Variants in EYA2 observed in about 807,000 individuals in gnomAD.
The protein encoded by EYA2 is EYA transcriptional coactivator and phosphatase 2.
Under a neutral mutation model 69.2 loss-of-function variants are expected in EYA2, and 31 were observed. The observed-to-expected ratio is 0.45, with a 90% CI of 0.34 to 0.60. The LOEUF (loss-of-function observed/expected upper bound fraction) is 0.60. Among genes scored for constraint, EYA2 ranks in the 20% least tolerant of loss-of-function variants. EYA2 has a pLI of 0.02. For synonymous variants in EYA2, 257 were observed against 279.4 expected, an observed-to-expected ratio of 0.92 and a Z score of 0.80; for missense variants, 622 against 701.2, an observed-to-expected ratio of 0.89 and a Z score of 1.28.
intron 5 of EYA2, among the ~76,000 whole-genome samples, chr20:47,049,815 T>C (rs1269762990): frequency 6.6e-6 from 1 of 151,966 alleles, no homozygotes; most frequent in Non-Finnish European, 1.5e-5. Flanking sequence ...CAGTCCCACT[T>C]TGCATGTAGC....
intron 1 of EYA2, among the ~76,000 whole-genome samples, chr20:46,964,318 A>G (rs1325027572): frequency 6.6e-6 from 1 of 152,202 alleles, no homozygotes; most frequent in Non-Finnish European, 1.5e-5. Context: ...ATCTCACTCC[A>G]GGAGTGTGGA....
chr20:47,120,064 G>A (rs2033004848), intron 9 of EYA2, among the ~76,000 whole-genome samples: 1 of 152,102 alleles, frequency 6.6e-6, no homozygotes, highest in African/African-American at 2.4e-5. Context: ...AAAATTAGCC[G>A]GGGCATGGTG....
chr20:46,900,729 G>A (rs1443689888), intron 1 of EYA2, among the ~76,000 whole-genome samples: 2 of 152,166 alleles, frequency 1.3e-5, no homozygotes, highest in African/African-American at 4.8e-5. Flanking sequence ...TCATTTTGAT[G>A]ATCTTTGAGG....
chr20:47,161,093 C>T, intron 10 of EYA2: 1 of 314,308 alleles, frequency 3.2e-6, no homozygotes, highest in Non-Finnish European at 6.0e-6. Flanking sequence ...TCAGCAGCAG[C>T]TTTTGGGCAT....
chr20:47,115,927 ACTTCCCACCAC>A (rs1306185041), intron 9 of EYA2, among the ~76,000 whole-genome samples: 6 of 152,132 alleles, frequency 3.9e-5, no homozygotes, highest in Non-Finnish European at 8.8e-5. Context: ...GCTCACATGC[ACTTCCCACCAC>A]AGGGCCTTTG....
At chr20:46,896,190 G>A (rs1983802798) in intron 1 of EYA2, among the ~76,000 whole-genome samples, 1 of 152,170 alleles carries the variant, frequency 6.6e-6, no homozygotes, top group Non-Finnish European at 1.5e-5. Flanking sequence ...GTAAGAATTT[G>A]AGCACTGAAT....
intron 9 of EYA2, among the ~76,000 whole-genome samples, chr20:47,139,793 G>A (rs1052503791): frequency 6.6e-6 from 1 of 152,008 alleles, no homozygotes; most frequent in Non-Finnish European, 1.5e-5. Flanking sequence ...TCCCCCCATT[G>A]TAGGCATGAT....
chr20:46,981,911 G>A (rs74931794), intron 1 of EYA2, among the ~76,000 whole-genome samples: 3 of 151,330 alleles, frequency 2.0e-5, no homozygotes, highest in Admixed American at 2.0e-4. Context: ...TGTAACTAAT[G>A]TAATATAAAC....
chr20:47,170,514 G>A (rs2034296084), intron 11 of EYA2, among the ~76,000 whole-genome samples: 1 of 152,104 alleles, frequency 6.6e-6, no homozygotes, highest in Admixed American at 6.5e-5. Flanking sequence ...GGGCGTGGTG[G>A]CGGGCGCCTG....
At chr20:47,059,843 G>A (rs2030796816) in intron 5 of EYA2, among the ~76,000 whole-genome samples, 2 of 152,176 alleles carry the variant, frequency 1.3e-5, no homozygotes, top group South Asian at 4.1e-4. Context: ...TGGTCTAGGA[G>A]GCCCCTTTGG....
chr20:46,993,592 T>C (rs1369669678), intron 2 of EYA2, among the ~76,000 whole-genome samples: 3 of 152,236 alleles, frequency 2.0e-5, no homozygotes, highest in African/African-American at 7.2e-5. Context: ...GTGCTTGGCA[T>C]GGTTTTAAGT....
intron 9 of EYA2, among the ~76,000 whole-genome samples, chr20:47,126,587 T>C (rs889945995): frequency 9.2e-5 from 14 of 152,208 alleles, no homozygotes; most frequent in African/African-American, 3.4e-4. Flanking sequence ...TTGTTTTTTT[T>C]CATTTAGTTC....
At chr20:47,143,025 C>G (rs780335186) in intron 9 of EYA2, 34 bp from the exon 10 acceptor site, 1 of 1,592,088 alleles carries the variant, frequency 6.3e-7, no homozygotes, top group Admixed American at 1.7e-5. Flanking sequence ...TCAGGCTCCG[C>G]GTGCATGTGA....
rs1984443496 is a variant in EYA2 at position 46,907,925 on chromosome 20, T to C, written c.-11+12938T>C. 2.0e-5 allele frequency among the ~76,000 whole-genome samples: 3 copies of C among 152,206 alleles called. No individual in the cohort carries two copies. In the South Asian group the frequency reaches 6.2e-4, roughly 32 times the overall value. On this transcript the variant is annotated intron_variant, in intron 1 of 15. Transcript: ENST00000327619. ...ACATCAGCTCTAGGCTCTAGTTTCATGATTTTCATTTTATTTCTTGTTCCC... is the reference window on the plus strand; with the variant it reads ...ACATCAGCTCTAGGCTCTAGTTTCACGATTTTCATTTTATTTCTTGTTCCC...
chr20:46,941,309 T>A (rs1476275652), intron 1 of EYA2, among the ~76,000 whole-genome samples: 2 of 152,244 alleles, frequency 1.3e-5, no homozygotes, highest in Non-Finnish European at 2.9e-5. Flanking sequence ...GTGCCTTCAG[T>A]TTCCCTCAAG....
chr20:46,980,558 A>G (rs753250490), intron 1 of EYA2, among the ~76,000 whole-genome samples: 1 of 152,252 alleles, frequency 6.6e-6, no homozygotes, highest in African/African-American at 2.4e-5. Flanking sequence ...TACAGATCAA[A>G]TCAGCATAAT....
intron 7 of EYA2, among the ~76,000 whole-genome samples, chr20:47,085,147 T>C (rs1270435257): frequency 6.6e-6 from 1 of 151,958 alleles, no homozygotes; most frequent in East Asian, 1.9e-4. Flanking sequence ...TCATCCATTT[T>C]TTCAAAAGTT....
Position 46,927,146 on chromosome 20 carries a change from A to G in EYA2, c.-11+32159A>G, listed in dbSNP as rs551293075. On this transcript the variant is annotated intron_variant, in intron 1 of 15. Transcript: ENST00000327619. ...TCTGCCCTAAGTTGAGTTTACCAAC[A>G]CATAGGAAGGTCTGAAATTCATTTC... Among the ~76,000 whole-genome samples, 5 of 152,336 alleles carry G rather than the reference A, an allele frequency of 3.3e-5. No individual in the cohort carries two copies. In the South Asian group the frequency reaches 1.0e-3, roughly 32 times the overall value.
intron 9 of EYA2, among the ~76,000 whole-genome samples, chr20:47,138,317 T>G (rs2033523194): frequency 1.3e-5 from 2 of 152,158 alleles, no homozygotes; most frequent in African/African-American, 4.8e-5. Context: ...TAAAACAATC[T>G]TAGGAAAATC....
Sources: gnomAD v4.1 joint callset for allele counts (sites outside exome capture counted in the v4.1 genomes callset) on GRCh38, gnomAD v4.1.1 for gene constraint, MANE v1.5 for transcripts, NCBI Gene and HGNC (gene_info 2026-07-23, HGNC 2026-07-21) for gene names.